Variants in ASIP observed in about 807,000 individuals in gnomAD.
ASIP encodes the protein agouti-signaling protein.
A neutral mutation model predicts 10.3 loss-of-function variants in ASIP; 11 were observed. The observed-to-expected ratio is 1.07, with a 90% CI of 0.68 to 1.78. ASIP has a LOEUF of 1.78. Among genes scored for constraint, ASIP ranks in the 40% most tolerant of loss-of-function variants. The pLI is 0.00. For missense variants in ASIP, 180 were observed against 169.2 expected, an observed-to-expected ratio of 1.06 and a Z score of -0.35; for synonymous variants, 70 against 70.8, an observed-to-expected ratio of 0.99 and a Z score of 0.06.
At chr20:34,256,537 A>G (rs1025318350) in intron 1 of ASIP, among the ~76,000 whole-genome samples, 1 of 152,158 alleles carries the variant, frequency 6.6e-6, no homozygotes, top group Non-Finnish European at 1.5e-5. Context: ...TCCTAAGATC[A>G]AGGAATCCTC....
chr20:34,224,055 T>G (rs2035075653), intron 1 of ASIP, among the ~76,000 whole-genome samples: 1 of 130,186 alleles, frequency 7.7e-6, no homozygotes, highest in South Asian at 2.9e-4. Context: ...ATCCCTAATC[T>G]CAAGTAATCA....
intron 1 of ASIP, among the ~76,000 whole-genome samples, chr20:34,200,667 G>A (rs186220579): frequency 5.3e-4 from 81 of 152,350 alleles, no homozygotes; most frequent in Middle Eastern, 3.4e-3. Flanking sequence ...GAGAGAACTT[G>A]CTTTGGGGTG....
intron 1 of ASIP, among the ~76,000 whole-genome samples, chr20:34,256,457 C>T (rs2035570809): frequency 6.6e-6 from 1 of 152,168 alleles, no homozygotes; most frequent in Admixed American, 6.6e-5. Flanking sequence ...GACCCGATAA[C>T]ACCCGGCTAA....
At chr20:34,205,229 C>CT (rs2034926899) in intron 1 of ASIP, among the ~76,000 whole-genome samples, 1 of 152,182 alleles carries the variant, frequency 6.6e-6, no homozygotes, top group African/African-American at 2.4e-5. Flanking sequence ...GTCTTGCCGA[C>CT]TTCAGGAGTG....
intron 1 of ASIP, among the ~76,000 whole-genome samples, chr20:34,231,463 T>C (rs1206117975): frequency 6.6e-6 from 1 of 152,234 alleles, no homozygotes; most frequent in African/African-American, 2.4e-5. Context: ...TTTGTGACTT[T>C]GAGTTAAGCA....
At chr20:34,206,387 A>G (rs1043865844) in intron 1 of ASIP, among the ~76,000 whole-genome samples, 1 of 152,014 alleles carries the variant, frequency 6.6e-6, no homozygotes, top group African/African-American at 2.4e-5. Context: ...CATTCCATTC[A>G]CTACCTTTCT....
At chr20:34,266,987 T>C (rs942332649) in intron 3 of ASIP, among the ~76,000 whole-genome samples, 9 of 152,144 alleles carry the variant, frequency 5.9e-5, no homozygotes, top group Non-Finnish European at 1.5e-5. Context: ...TATTAGGAGG[T>C]AGGATCTGGC....
chr20:34,262,958 C>T, intron 3 of ASIP, 65 bp downstream of exon 3: 1 of 1,563,964 alleles, frequency 6.4e-7, no homozygotes, highest in East Asian at 2.2e-5. Flanking sequence ...AGAAGGAGGA[C>T]CCCCAACCTC....
intron 1 of ASIP, among the ~76,000 whole-genome samples, chr20:34,247,473 G>T (rs2035399051): frequency 6.6e-6 from 1 of 151,446 alleles, no homozygotes; most frequent in Admixed American, 6.6e-5. Context: ...GCTAATTTTT[G>T]TATTTTTGTA....
At chr20:34,254,565 C>T (rs1015587943) in intron 1 of ASIP, among the ~76,000 whole-genome samples, 1 of 152,158 alleles carries the variant, frequency 6.6e-6, no homozygotes, top group African/African-American at 2.4e-5. Flanking sequence ...CAACAAAACC[C>T]GTCCCGAATT....
Position 34,263,816 on chromosome 20 carries a change from A to G in ASIP, c.222+923A>G, listed in dbSNP as rs1175287645. Among the ~76,000 whole-genome samples the G allele has an allele frequency of 2.0e-5, 3 of 151,796 alleles. No homozygotes were observed. In the East Asian group the frequency reaches 5.8e-4, roughly 30 times the overall value. On this transcript the variant is annotated intron_variant, in intron 3 of 3. Coordinates refer to ENST00000374954, the MANE Select transcript of ASIP (RefSeq NM_001672.3). Reference sequence around the variant, plus strand: ...CCCGAGTAGCTGGAATTACAGGCACATGCCACCATGCCCAGCTAATGTTTT... The same window carrying G: ...CCCGAGTAGCTGGAATTACAGGCACGTGCCACCATGCCCAGCTAATGTTTT...
At chr20:34,193,014 C>A (rs1398697343), upstream of ASIP, among the ~76,000 whole-genome samples, 1 of 152,098 alleles carries the variant, frequency 6.6e-6, no homozygotes, top group African/African-American at 2.4e-5. Context: ...ACTATAGTTG[C>A]CCTTTTGTGC....
chr20:34,269,336 T>G lies in ASIP; in HGVS notation c.*169T>G. On this transcript the variant is annotated 3_prime_UTR_variant, in exon 4 of 4. Transcript: ENST00000374954. Reference sequence around the variant, plus strand: ...GGCTAAAATCGAAATACAATATATATAGGCTGCTCGAAGGTGTGCGGCTGT... The same window carrying G: ...GGCTAAAATCGAAATACAATATATAGAGGCTGCTCGAAGGTGTGCGGCTGT... 4 of 814,726 alleles carry G rather than the reference T, an allele frequency of 4.9e-6. No individual in the cohort carries two copies. Among genetic ancestry groups the G allele is most frequent in the Non-Finnish European group, 7.1e-6 (4 of 562,820 alleles). The allele number at this position is 814,726 out of a possible 1,614,324, so 50.5% of individuals were successfully genotyped here.
At chr20:34,210,141 A>G (rs913219782) in intron 1 of ASIP, among the ~76,000 whole-genome samples, 5 of 152,200 alleles carry the variant, frequency 3.3e-5, no homozygotes, top group Non-Finnish European at 5.9e-5. Context: ...TCCTGGACGC[A>G]GGACAAGAAC....
intron 1 of ASIP, among the ~76,000 whole-genome samples, chr20:34,200,969 T>TTTCTTTCCTTCCTTCCTTCCTTCCTTCC (rs1568744348): frequency 1.4e-5 from 1 of 72,926 alleles, no homozygotes; most frequent in African/African-American, 8.4e-5. Flanking sequence ...TCTTTCTTTC[T>TTTCTTTCCTTCCTTCCTTCCTTCCTTCC]TTCCTTCCTT....
At chr20:34,247,837 T>C (rs1450265092) in intron 1 of ASIP, among the ~76,000 whole-genome samples, 2 of 149,614 alleles carry the variant, frequency 1.3e-5, no homozygotes. Flanking sequence ...TCTCAAGCAA[T>C]CTTCCTGACT....
At chr20:34,207,162 T>A (rs2034942757) in intron 1 of ASIP, among the ~76,000 whole-genome samples, 1 of 152,188 alleles carries the variant, frequency 6.6e-6, no homozygotes, top group Non-Finnish European at 1.5e-5. Flanking sequence ...CTTACCAGCA[T>A]TTGTTATTTT....
At chr20:34,238,527 A>G (rs956111680), upstream of ASIP, among the ~76,000 whole-genome samples, 5 of 152,010 alleles carry the variant, frequency 3.3e-5, no homozygotes, top group Non-Finnish European at 7.4e-5. Context: ...TAGGTTTTCC[A>G]TATCTCTATT....
At chr20:34,192,513 T>C (rs1322576125), upstream of ASIP, among the ~76,000 whole-genome samples, 1 of 134,502 alleles carries the variant, frequency 7.4e-6, no homozygotes, top group Non-Finnish European at 1.5e-5. Context: ...TTCCTTTTTT[T>C]TCTTCTTCTT....
Sources: gnomAD v4.1 joint callset for allele counts (sites outside exome capture counted in the v4.1 genomes callset) on GRCh38, gnomAD v4.1.1 for gene constraint, MANE v1.5 for transcripts, NCBI Gene and HGNC (gene_info 2026-07-23, HGNC 2026-07-21) for gene names.